The following NAA35 variants were observed in gnomAD, a reference collection of about 807,000 sequenced individuals.
The protein encoded by NAA35 is MAK10 homolog, amino-acid N-acetyltransferase subunit.
A neutral mutation model predicts 101.7 loss-of-function variants in NAA35; 18 were observed. That is an observed-to-expected ratio of 0.18 (90% CI 0.12 to 0.26). The LOEUF (loss-of-function observed/expected upper bound fraction) is 0.26, where lower values mean the gene tolerates loss of function less well. Among genes scored for constraint, NAA35 ranks in the 10% least tolerant of loss-of-function variants. The pLI is 1.00. For missense variants in NAA35, 601 were observed against 886.8 expected (o/e 0.68, Z 4.09); for synonymous variants, 267 against 273.1 (o/e 0.98, Z 0.22).
intron 2 of NAA35, among the ~76,000 whole-genome samples, chr9:85,947,910 C>T (rs1828838721): frequency 6.6e-6 from 1 of 152,162 alleles, no homozygotes; most frequent in African/African-American, 2.4e-5. Context: ...TGAATGGGAC[C>T]TTTGATGTAC....
At position 86,024,738 on chromosome 9, in the gene NAA35, G is replaced by C. The variant is rs771940269; in HGVS notation, c.*2778G>C. ...GATATCTAGGCAAGGTAGGAGACCAGGTTTGGGATAAAGATTGCTTTAGAC... is the reference window on the plus strand; with the variant it reads ...GATATCTAGGCAAGGTAGGAGACCACGTTTGGGATAAAGATTGCTTTAGAC... On this transcript the variant is annotated 3_prime_UTR_variant, in exon 23 of 23. Coordinates refer to ENST00000361671, the MANE Select transcript of NAA35 (RefSeq NM_024635.4). 9.3e-5 allele frequency among the ~76,000 whole-genome samples: 14 copies of C among 150,694 alleles called. No homozygotes were observed. The highest frequency in any genetic ancestry group is 1.8e-4 in the Non-Finnish European group (12 of 67,534).
At chr9:85,946,498 T>C (rs1281698531) in intron 2 of NAA35, among the ~76,000 whole-genome samples, 1 of 152,058 alleles carries the variant, frequency 6.6e-6, no homozygotes, top group Non-Finnish European at 1.5e-5. Flanking sequence ...TTCCATTCTT[T>C]TTATGTTTTA....
At chr9:86,019,920 C>T (rs935329860) in intron 21 of NAA35, among the ~76,000 whole-genome samples, 2 of 152,122 alleles carry the variant, frequency 1.3e-5, no homozygotes, top group African/African-American at 4.8e-5. Flanking sequence ...TAGTATCCAT[C>T]AACAGGGGAC....
At chr9:85,974,906 AT>A in intron 6 of NAA35, 60 bp from the exon 7 acceptor site, 3 of 1,145,676 alleles carry the variant, frequency 2.6e-6, no homozygotes, top group Non-Finnish European at 3.8e-6. Flanking sequence ...AAAGTTTTAT[AT>A]TTTGCCGCTA....
chr9:86,009,409 A>G (rs2118392539), intron 14 of NAA35, among the ~76,000 whole-genome samples: 1 of 152,308 alleles, frequency 6.6e-6, no homozygotes, highest in East Asian at 1.9e-4. Flanking sequence ...AGAAGAGATG[A>G]CGTGCCAAAG....
chr9:85,976,596 A>T, intron 8 of NAA35, 89 bp from the exon 9 acceptor site: 1 of 960,842 alleles, frequency 1.0e-6, no homozygotes, highest in Non-Finnish European at 1.5e-6. Context: ...ATTCTTGTGT[A>T]TACTTAAAAA....
chr9:85,956,018 A>C (rs1047764498), intron 2 of NAA35, among the ~76,000 whole-genome samples: 2 of 152,244 alleles, frequency 1.3e-5, no homozygotes, highest in Non-Finnish European at 2.9e-5. Context: ...GAGAAGTAGC[A>C]GTCAGTTCTA....
chr9:86,008,565 T>A (rs981056096), intron 14 of NAA35, among the ~76,000 whole-genome samples: 1 of 152,208 alleles, frequency 6.6e-6, no homozygotes, highest in Admixed American at 6.5e-5. Flanking sequence ...CATGGAAATG[T>A]TGTGACCAGA....
intron 22 of NAA35, 146 bp downstream of exon 22, chr9:86,021,115 G>A: frequency 1.8e-6 from 1 of 555,616 alleles, no homozygotes. Context: ...CAAAAAATTA[G>A]AGCTTGCCAT....
intron 21 of NAA35, 129 bp downstream of exon 21, chr9:86,018,950 C>G: frequency 2.5e-6 from 3 of 1,180,774 alleles, no homozygotes; most frequent in Middle Eastern, 2.1e-4. Context: ...CGTGTTTCTG[C>G]GAAGGATTTC....
At chr9:85,944,781 G>T (rs1054614995) in intron 2 of NAA35, among the ~76,000 whole-genome samples, 2 of 152,144 alleles carry the variant, frequency 1.3e-5, no homozygotes, top group African/African-American at 4.8e-5. Context: ...TTATGTTAAA[G>T]ATCTTTTGCT....
intron 11 of NAA35, among the ~76,000 whole-genome samples, chr9:85,991,115 C>T (rs1460524462): frequency 6.6e-6 from 1 of 151,958 alleles, no homozygotes; most frequent in Non-Finnish European, 1.5e-5. Flanking sequence ...GTGGGAACAA[C>T]CTGGCACTGT....
At chr9:86,019,155 T>C (rs1832392586) in intron 21 of NAA35, among the ~76,000 whole-genome samples, 1 of 152,208 alleles carries the variant, frequency 6.6e-6, no homozygotes, top group Non-Finnish European at 1.5e-5. Flanking sequence ...CATTTCTGTT[T>C]TAATCAGTAG....
intron 16 of NAA35, 113 bp from the exon 17 acceptor site, chr9:86,013,605 TG>T: frequency 2.2e-6 from 2 of 923,856 alleles, no homozygotes; most frequent in Non-Finnish European, 3.3e-6. Flanking sequence ...TTTCTTTGGG[TG>T]GTCAGATTTA....
chr9:86,022,308 G>A lies in NAA35; in HGVS notation c.*348G>A. 1 of 172,948 alleles carries A rather than the reference G, an allele frequency of 5.8e-6. No homozygotes were observed. The highest frequency in any genetic ancestry group is 1.2e-5 in the Non-Finnish European group (1 of 82,374). 10.7% of individuals were successfully genotyped at this position (172,948 alleles called of 1,614,324 possible). On this transcript the variant is annotated 3_prime_UTR_variant, in exon 23 of 23. Coordinates refer to ENST00000361671, the MANE Select transcript of NAA35 (RefSeq NM_024635.4). ...CTTGACAAAAAAAAAATGCACTGCT[G>A]GAGATGAAAAACAGTAGGTCTTTGT...
At chr9:85,966,695 T>C in intron 6 of NAA35, 2 of 1,180,764 alleles carry the variant, frequency 1.7e-6, no homozygotes, top group Non-Finnish European at 1.1e-6. Context: ...ACTTCTGTTT[T>C]TACTAGTATA....
At chr9:86,010,569 ATTTTT>A (rs377654981) in intron 15 of NAA35, among the ~76,000 whole-genome samples, 1 of 118,706 alleles carries the variant, frequency 8.4e-6, no homozygotes, top group Admixed American at 8.9e-5. Flanking sequence ...TAACCTTAGA[ATTTTT>A]TTTTTTTTTT....
chr9:85,966,394 G>A (rs1829744112), intron 6 of NAA35, among the ~76,000 whole-genome samples: 2 of 152,122 alleles, frequency 1.3e-5, no homozygotes, highest in Admixed American at 1.3e-4. Flanking sequence ...TTATGATCGT[G>A]TTCAAATAAA....
intron 2 of NAA35, among the ~76,000 whole-genome samples, chr9:85,943,036 T>G (rs182902625): frequency 1.6e-4 from 25 of 152,304 alleles, no homozygotes; most frequent in Non-Finnish European, 1.5e-4. Flanking sequence ...TTATTTTCAG[T>G]CTCACTCACT....
Sources: allele counts gnomAD v4.1 joint callset (sites outside exome capture counted in the v4.1 genomes callset), GRCh38; gene constraint gnomAD v4.1.1; transcripts MANE v1.5; gene names NCBI Gene and HGNC (gene_info 2026-07-23, HGNC 2026-07-21).